Variants in ZFHX3 observed in about 807,000 individuals in gnomAD.
The protein encoded by ZFHX3 is zinc finger homeobox protein 3.
In ZFHX3, 42 loss-of-function variants were observed where a neutral mutation model predicts 279.1. That is an observed-to-expected ratio of 0.15 (90% CI 0.12 to 0.19). ZFHX3 has a LOEUF of 0.19. ZFHX3 is among the 10% of genes least tolerant of loss of function. ZFHX3 has a pLI of 1.00. For missense variants in ZFHX3, 4,981 were observed against 4,754.0 expected (o/e 1.05, Z -1.40); for synonymous variants, 2,293 against 1,957.8 (o/e 1.17, Z -4.52).
At chr16:72,860,863 C>A (rs1334081847) in intron 4 of ZFHX3, among the ~76,000 whole-genome samples, 4 of 152,212 alleles carry the variant, frequency 2.6e-5, no homozygotes, top group Non-Finnish European at 5.9e-5. Context: ...GCAAGCCTGG[C>A]TGTTCCTCTG....
chr16:73,643,179 C>G (rs1393348328), intron 2 of ZFHX3, among the ~76,000 whole-genome samples: 1 of 152,194 alleles, frequency 6.6e-6, no homozygotes, highest in Non-Finnish European at 1.5e-5. Context: ...TGCACTGTAG[C>G]ACACACTAAA....
chr16:72,992,872 C>T (rs566207133), intron 1 of ZFHX3, among the ~76,000 whole-genome samples: 1 of 152,346 alleles, frequency 6.6e-6, no homozygotes, highest in Non-Finnish European at 1.5e-5. Context: ...CGCGATGGCC[C>T]CTGCCTATAA....
intron 2 of ZFHX3, among the ~76,000 whole-genome samples, chr16:72,953,723 G>A (rs1422163018): frequency 6.6e-6 from 1 of 152,160 alleles, no homozygotes; most frequent in African/African-American, 2.4e-5. Flanking sequence ...TGGGACTACA[G>A]GTGCACCCCA....
At chr16:73,276,729 T>C (rs2014312734) in intron 4 of ZFHX3, among the ~76,000 whole-genome samples, 1 of 152,216 alleles carries the variant, frequency 6.6e-6, no homozygotes. Context: ...TTCTTATTTT[T>C]TCAAAAGTAG....
At chr16:73,583,479 T>G (rs1457454031) in intron 2 of ZFHX3, among the ~76,000 whole-genome samples, 2 of 152,102 alleles carry the variant, frequency 1.3e-5, no homozygotes, top group Non-Finnish European at 2.9e-5. Flanking sequence ...AGATAGAAAA[T>G]AAGATTGTGT....
intron 3 of ZFHX3, among the ~76,000 whole-genome samples, chr16:72,895,999 T>A (rs1034169881): frequency 6.6e-6 from 1 of 152,202 alleles, no homozygotes; most frequent in Non-Finnish European, 1.5e-5. Context: ...TGCTTGGCAA[T>A]TGAATTTACT....
intron 1 of ZFHX3, among the ~76,000 whole-genome samples, chr16:73,864,645 G>A (rs771012686): frequency 2.5e-4 from 38 of 152,162 alleles, no homozygotes; most frequent in Non-Finnish European, 4.4e-4. Context: ...CTTGAACCCA[G>A]GAGGGTGGAG....
At chr16:73,526,681 A>C (rs1478768869) in intron 2 of ZFHX3, among the ~76,000 whole-genome samples, 1 of 152,166 alleles carries the variant, frequency 6.6e-6, no homozygotes, top group Non-Finnish European at 1.5e-5. Flanking sequence ...AGCTTAAACC[A>C]TGTTTATCTG....
At chr16:73,790,215 C>G (rs1959781320) in intron 1 of ZFHX3, among the ~76,000 whole-genome samples, 1 of 150,800 alleles carries the variant, frequency 6.6e-6, no homozygotes, top group Non-Finnish European at 1.5e-5. Flanking sequence ...AGAATGTATC[C>G]TGGATCTTAC....
At chr16:73,833,651 G>A (rs987892093) in intron 1 of ZFHX3, among the ~76,000 whole-genome samples, 22 of 151,884 alleles carry the variant, frequency 1.4e-4, no homozygotes, top group Non-Finnish European at 2.8e-4. Flanking sequence ...AATACCTAAT[G>A]TAGATGATGG....
At chr16:73,170,697 G>A (rs546342761) in intron 5 of ZFHX3, among the ~76,000 whole-genome samples, 2 of 152,210 alleles carry the variant, frequency 1.3e-5, no homozygotes, top group Admixed American at 1.3e-4. Context: ...TCATCAGAGA[G>A]TCTGGGAGGT....
chr16:73,037,923 C>T (rs926588851), intron 1 of ZFHX3, among the ~76,000 whole-genome samples: 1 of 152,146 alleles, frequency 6.6e-6, no homozygotes, highest in Non-Finnish European at 1.5e-5. Context: ...TGCCATAAAT[C>T]GTAACTGGCC....
chr16:73,486,219 C>T (rs544092842), intron 2 of ZFHX3, among the ~76,000 whole-genome samples: 1 of 152,178 alleles, frequency 6.6e-6, no homozygotes, highest in South Asian at 2.1e-4. Context: ...TTACACAGGG[C>T]ATACACGGAG....
At chr16:73,794,163 G>C (rs1415338744) in intron 1 of ZFHX3, 1 of 152,214 alleles carries the variant, frequency 6.6e-6, no homozygotes, top group African/African-American at 2.4e-5. Flanking sequence ...GATTGGAGCA[G>C]GCTTTCATCA....
intron 2 of ZFHX3, among the ~76,000 whole-genome samples, chr16:73,568,771 TG>T (rs2020486234): frequency 6.6e-6 from 1 of 152,174 alleles, no homozygotes; most frequent in African/African-American, 2.4e-5. Flanking sequence ...CTCATCCTCT[TG>T]CAAATTTCTT....
intron 1 of ZFHX3, among the ~76,000 whole-genome samples, chr16:73,767,279 A>C (rs2053960964): frequency 6.6e-6 from 1 of 152,140 alleles, no homozygotes; most frequent in African/African-American, 2.4e-5. Flanking sequence ...TTACCTTTGC[A>C]CCAACCTAAT....
intron 3 of ZFHX3, among the ~76,000 whole-genome samples, chr16:73,451,430 C>G (rs978786074): frequency 6.6e-6 from 1 of 152,202 alleles, no homozygotes; most frequent in African/African-American, 2.4e-5. Flanking sequence ...TTTGTAAAAT[C>G]TGTGGCTTCT....
intron 2 of ZFHX3, among the ~76,000 whole-genome samples, chr16:73,493,259 C>T (rs2019083949): frequency 6.6e-6 from 1 of 152,170 alleles, no homozygotes; most frequent in African/African-American, 2.4e-5. Flanking sequence ...ATTTCCCTTA[C>T]TCCAATATAC....
chr16:73,529,708 C>T (rs558659182), intron 2 of ZFHX3, among the ~76,000 whole-genome samples: 1 of 152,304 alleles, frequency 6.6e-6, no homozygotes, highest in African/African-American at 2.4e-5. Context: ...TACACCTTCA[C>T]CTAGATAGTA....
Sources: allele counts gnomAD v4.1 joint callset (sites outside exome capture counted in the v4.1 genomes callset), GRCh38; gene constraint gnomAD v4.1.1; transcripts MANE v1.5; gene names NCBI Gene and HGNC (gene_info 2026-07-23, HGNC 2026-07-21).